The following FBXW10 variants were observed in gnomAD, a reference collection of about 807,000 sequenced individuals.
FBXW10 encodes the protein F-box and WD repeat domain containing 10.
In FBXW10, 68 loss-of-function variants were observed where a neutral mutation model predicts 113.1. That is an observed-to-expected ratio of 0.60 (90% CI 0.49 to 0.74). FBXW10 has a LOEUF of 0.74. FBXW10 is among the 30% of genes least tolerant of loss of function. The probability of loss-of-function intolerance (pLI) is 0.00; values close to 1 mark genes in which losing one functional copy is unlikely to be tolerated. For missense variants in FBXW10, 753 were observed against 1,284.5 expected (o/e 0.59, Z 6.32); for synonymous variants, 289 against 481.6 (o/e 0.60, Z 5.24).
At chr17:18,759,296 C>T (rs534871106) in intron 7 of FBXW10, among the ~76,000 whole-genome samples, 2 of 152,328 alleles carry the variant, frequency 1.3e-5, no homozygotes, top group Non-Finnish European at 2.9e-5. Flanking sequence ...CTTGCTTCTT[C>T]CTGCCAACCA....
chr17:18,775,816 C>T (rs2035687827), intron 13 of FBXW10, among the ~76,000 whole-genome samples: 1 of 152,056 alleles, frequency 6.6e-6, no homozygotes, highest in Non-Finnish European at 1.5e-5. Context: ...TTCCTTAAGG[C>T]CAGGAGTCTG....
At chr17:18,776,047 G>A (rs533825602) in intron 13 of FBXW10, among the ~76,000 whole-genome samples, 56 of 151,934 alleles carry the variant, frequency 3.7e-4, no homozygotes, top group African/African-American at 1.2e-3. Flanking sequence ...GGCCGGGCGC[G>A]GTGGCTCACA....
chr17:18,772,301 C>A, intron 11 of FBXW10, 111 bp from the exon 12 acceptor site: 1 of 1,026,212 alleles, frequency 9.7e-7, no homozygotes, highest in Non-Finnish European at 1.5e-6. Context: ...GTTTGGTCAT[C>A]ACCTGGGCAC....
At chr17:18,771,975 T>C (rs1209076338) in intron 11 of FBXW10, among the ~76,000 whole-genome samples, 1 of 151,980 alleles carries the variant, frequency 6.6e-6, no homozygotes, top group Non-Finnish European at 1.5e-5. Context: ...GGCGTGGTGG[T>C]GCGTACCTGT....
At chr17:18,752,870 C>T (rs559742325) in intron 5 of FBXW10, among the ~76,000 whole-genome samples, 1 of 152,236 alleles carries the variant, frequency 6.6e-6, no homozygotes, top group Admixed American at 6.5e-5. Flanking sequence ...TTCATTTGAA[C>T]GTGGACCTGT....
intron 10 of FBXW10, among the ~76,000 whole-genome samples, chr17:18,769,081 G>A (rs1363608248): frequency 6.6e-6 from 1 of 151,190 alleles, no homozygotes; most frequent in South Asian, 2.1e-4. Flanking sequence ...GACTACAGGC[G>A]CCCACCACCA....
intron 5 of FBXW10, among the ~76,000 whole-genome samples, chr17:18,752,914 A>G (rs1390344106): frequency 6.6e-6 from 1 of 152,134 alleles, no homozygotes; most frequent in African/African-American, 2.4e-5. Flanking sequence ...TTTTAAGTAT[A>G]ACACAAAGAA....
intron 2 of FBXW10, among the ~76,000 whole-genome samples, chr17:18,748,947 A>C (rs2035099438): frequency 6.6e-6 from 1 of 152,240 alleles, no homozygotes; most frequent in African/African-American, 2.4e-5. Context: ...CATCGGAAAC[A>C]CAATATCATA....
At chr17:18,759,946 T>C (rs1327557576) in intron 7 of FBXW10, among the ~76,000 whole-genome samples, 2 of 152,162 alleles carry the variant, frequency 1.3e-5, no homozygotes, top group Non-Finnish European at 2.9e-5. Flanking sequence ...TTTCAAAGAA[T>C]GCTGCCAGAG....
intron 13 of FBXW10, among the ~76,000 whole-genome samples, chr17:18,776,024 A>C (rs1444950509): frequency 6.6e-6 from 1 of 151,462 alleles, no homozygotes; most frequent in Non-Finnish European, 1.5e-5. Context: ...AAGAAAAGAA[A>C]AAAAAAAAAA....
At chr17:18,772,704 C>A in intron 12 of FBXW10, 21 bp downstream of exon 12, 1 of 1,600,328 alleles carries the variant, frequency 6.2e-7, no homozygotes. Context: ...GAAATACCAG[C>A]AAGTTCAGTG....
chr17:18,767,248 G>A (rs530512490), intron 9 of FBXW10, among the ~76,000 whole-genome samples: 11 of 152,090 alleles, frequency 7.2e-5, no homozygotes, highest in Middle Eastern at 3.4e-3. Flanking sequence ...CGAGGCAGGC[G>A]GATCATGAGG....
At chr17:18,752,256 GT>G (rs1338660229) in intron 5 of FBXW10, among the ~76,000 whole-genome samples, 1 of 152,148 alleles carries the variant, frequency 6.6e-6, no homozygotes, top group African/African-American at 2.4e-5. Flanking sequence ...CTGCTCATCA[GT>G]TCTGGCTAAT....
intron 7 of FBXW10, among the ~76,000 whole-genome samples, chr17:18,759,904 C>T (rs1287342458): frequency 5.9e-5 from 9 of 152,270 alleles, no homozygotes; most frequent in East Asian, 1.9e-4. Context: ...TGTGAGCCAC[C>T]GCGCCGGGCC....
At chr17:18,756,702 T>A (rs1298833357) in intron 6 of FBXW10, among the ~76,000 whole-genome samples, 1 of 152,154 alleles carries the variant, frequency 6.6e-6, no homozygotes, top group African/African-American at 2.4e-5. Flanking sequence ...ATGACAATCG[T>A]ATTTATAATT....
intron 7 of FBXW10, among the ~76,000 whole-genome samples, chr17:18,758,991 C>A (rs895378541): frequency 1.3e-5 from 2 of 152,076 alleles, no homozygotes; most frequent in African/African-American, 2.4e-5. Context: ...CATGGTGAAA[C>A]CCCGTCTCTA....
At position 18,768,901 on chromosome 17, in the gene FBXW10, A is replaced by G. The variant is rs185469403; in HGVS notation, c.1847+225A>G. Among the ~76,000 whole-genome samples the G allele has an allele frequency of 1.7e-4, 25 of 150,778 alleles. 1 individual carries two copies. In the East Asian group the frequency reaches 4.9e-3, roughly 29 times the overall value. ...CTCTCCCTTGTTTTCTTGTGAAGTAACTATAGAAACTGGGGGTTTTGAGAA... is the reference window on the plus strand; with the variant it reads ...CTCTCCCTTGTTTTCTTGTGAAGTAGCTATAGAAACTGGGGGTTTTGAGAA... On this transcript the variant is annotated intron_variant, in intron 10 of 13. Transcript: ENST00000395665.
intron 2 of FBXW10, among the ~76,000 whole-genome samples, chr17:18,749,487 C>T (rs1248666110): frequency 1.3e-5 from 2 of 151,990 alleles, no homozygotes; most frequent in Non-Finnish European, 2.9e-5. Flanking sequence ...GCGGAGCTTG[C>T]AGTGAGCCGA....
intron 12 of FBXW10, among the ~76,000 whole-genome samples, chr17:18,774,520 G>A (rs562139212): frequency 3.9e-5 from 6 of 152,224 alleles, no homozygotes; most frequent in African/African-American, 1.2e-4. Context: ...ATAGCCGGGC[G>A]CAGTGACTCA....
Sources: allele counts gnomAD v4.1 joint callset (sites outside exome capture counted in the v4.1 genomes callset), GRCh38; gene constraint gnomAD v4.1.1; transcripts MANE v1.5; gene names NCBI Gene and HGNC (gene_info 2026-07-23, HGNC 2026-07-21).